The following PHF1 variants were observed in gnomAD, a reference collection of about 807,000 sequenced individuals.
PHF1 encodes the protein PHD finger protein 1.
Under a neutral mutation model 69.4 loss-of-function variants are expected in PHF1, and 16 were observed. The ratio of observed to expected loss-of-function variants is 0.23; its 90% CI spans 0.16 to 0.35. PHF1 has a LOEUF of 0.35. Ranked by LOEUF, PHF1 falls within the 10% of genes least tolerant of loss-of-function variation. The probability of loss-of-function intolerance (pLI) is 1.00; values close to 1 mark genes in which losing one functional copy is unlikely to be tolerated. For missense variants in PHF1, 515 were observed against 732.8 expected, an observed-to-expected ratio of 0.70 and a Z score of 3.43; for synonymous variants, 274 against 275.0, an observed-to-expected ratio of 1.00 and a Z score of 0.04.
At chr6:33,415,193 G>A in intron 12 of PHF1, 42 bp from the exon 13 acceptor site, 1 of 1,613,086 alleles carries the variant, frequency 6.2e-7, no homozygotes, top group Non-Finnish European at 8.5e-7. Flanking sequence ...GGTGTGGGAA[G>A]GAGTCAAGGA....
At chr6:33,411,494 G>C (rs1776059078) in intron 1 of PHF1, among the ~76,000 whole-genome samples, 1 of 152,236 alleles carries the variant, frequency 6.6e-6, no homozygotes, top group Non-Finnish European at 1.5e-5. Context: ...GAGACGCGCA[G>C]GCCTGGGGAG....
Position 33,413,847 on chromosome 6 carries a change from A to G in PHF1, c.683+16A>G. ...ATGGGGACAGGTGAGACCAAGGCAGACTCTCTAGGAGCCAAGGATGCCCTC... is the reference window on the plus strand; with the variant it reads ...ATGGGGACAGGTGAGACCAAGGCAGGCTCTCTAGGAGCCAAGGATGCCCTC... On this transcript the variant is annotated intron_variant, in intron 7 of 14. Coordinates refer to ENST00000374516, the MANE Select transcript of PHF1 (RefSeq NM_024165.3). 1 of 1,606,486 alleles carries G rather than the reference A, an allele frequency of 6.2e-7. No homozygotes were observed. The highest frequency in any genetic ancestry group is 8.5e-7 in the Non-Finnish European group (1 of 1,174,034).
In PHF1 at chr6:33,412,436, C is replaced by G. The variant is rs746555129; in HGVS notation, c.159+14C>G. On this transcript the variant is annotated intron_variant, in intron 2 of 14. Coordinates refer to ENST00000374516, the MANE Select transcript of PHF1 (RefSeq NM_024165.3). This position sits in a 1 kb window ranked among gnomAD's most constrained non-coding sequence, Gnocchi z 4.2. ...ACCATCAAAAAGGTAAGACCTTCTACCTCTGACCTTCTTCCTAGTTCCCTT... is the reference window on the plus strand; with the variant it reads ...ACCATCAAAAAGGTAAGACCTTCTAGCTCTGACCTTCTTCCTAGTTCCCTT... 4 of 1,614,090 alleles carry G rather than the reference C, an allele frequency of 2.5e-6. No homozygotes were observed. The highest frequency in any genetic ancestry group is 3.3e-5 in the Admixed American group (2 of 60,014).
At position 33,415,592 on chromosome 6, in the gene PHF1, G is replaced by A; in HGVS notation, c.1337G>A (p.Ser446Asn). The A allele has an allele frequency of 6.2e-7, 1 of 1,613,892 alleles. No homozygotes were observed. The highest frequency in any genetic ancestry group is 8.5e-7 in the Non-Finnish European group (1 of 1,179,910). The change falls in exon 14 of 15, where the codon AGC becomes AAC. Residue 446 changes from serine (S) to asparagine (N), a missense_variant and splice_region_variant. Physicochemically the swap from Ser to Asn is conservative, Grantham distance 46. Transcript: ENST00000374516. The stretch of plus-strand genomic sequence containing the variant: ...GACTTTCCCCACTCCAACCCCAGCA[G>A]CCCCATCCGGATGTTTGCTTCCTTC... ...RPTDARCLPS[S>N]PIRMFASFHP...
intron 1 of PHF1, 114 bp downstream of exon 1, chr6:33,411,329 T>C (rs1355152649): frequency 6.6e-6 from 1 of 151,838 alleles, no homozygotes; most frequent in African/African-American, 2.4e-5. Context: ...CCGACACAAG[T>C]CCCTTCTCGG....
Position 33,414,675 on chromosome 6 carries a change from G to T in PHF1, c.945-50G>T. 1 of 1,571,786 alleles carries T rather than the reference G, an allele frequency of 6.4e-7. No homozygotes were observed. Among genetic ancestry groups the T allele is most frequent in the Non-Finnish European group, 8.7e-7 (1 of 1,143,362 alleles). On this transcript the variant is annotated intron_variant, in intron 10 of 14. Coordinates refer to ENST00000374516, the MANE Select transcript of PHF1 (RefSeq NM_024165.3). This position sits in a 1 kb window ranked among gnomAD's most constrained non-coding sequence, Gnocchi z 5.0. Reference sequence around the variant, plus strand: ...AAGGATTGAGGAATGGCGTAAGGAGGAACCGTTTTTTACAGCACTGACCCT... The same window carrying T: ...AAGGATTGAGGAATGGCGTAAGGAGTAACCGTTTTTTACAGCACTGACCCT...
upstream of PHF1, chr6:33,410,677 TG>T (rs1390284715): frequency 7.2e-5 from 2 of 27,732 alleles, no homozygotes; most frequent in African/African-American, 3.1e-4. Context: ...GGAGTGACCA[TG>T]GGGGGTGGGG....
At chr6:33,411,328 GTCCC>G (rs1267949399) in intron 1 of PHF1, 113 bp downstream of exon 1, 1 of 152,190 alleles carries the variant, frequency 6.6e-6, no homozygotes, top group African/African-American at 2.4e-5. Context: ...GCCGACACAA[GTCCC>G]TTCTCGGACT....
At position 33,413,790 on chromosome 6, in the gene PHF1, C is replaced by T. The variant is rs1001792307; in HGVS notation, c.642C>T (p.Ala214=). The T allele has an allele frequency of 1.2e-6, 2 of 1,613,908 alleles. No homozygotes were observed. The highest frequency in any genetic ancestry group is 8.5e-7 in the Non-Finnish European group (1 of 1,179,992). ...GCTGCCTGCAGTGGTTCCATGAGGCCTGCACCCAGTGTCTGAGCAAGCCCC... is the reference window on the plus strand; with the variant it reads ...GCTGCCTGCAGTGGTTCCATGAGGCTTGCACCCAGTGTCTGAGCAAGCCCC... The part of the protein sequence containing the change: ...CRSCLQWFHE[A]CTQCLSKPLL... Residue 214 remains alanine, a synonymous_variant, in exon 7 of 15, where the codon GCC becomes GCT. Transcript: ENST00000374516.
chr6:33,415,562 G>A (rs756452139), intron 13 of PHF1, 28 bp from the exon 14 acceptor site: 1 of 1,611,992 alleles, frequency 6.2e-7, no homozygotes, highest in African/African-American at 1.3e-5. Context: ...CCTGCTTCAG[G>A]TCCTGACTTT....
chr6:33,414,164 T>C lies in PHF1; in HGVS notation c.752+55T>C. 6.2e-7 allele frequency: 1 copy of C among 1,613,686 alleles called. No homozygotes were observed. On this transcript the variant is annotated intron_variant, in intron 8 of 14. Coordinates refer to ENST00000374516, the MANE Select transcript of PHF1 (RefSeq NM_024165.3). The surrounding 1 kb of genome is among the most constrained non-coding windows in gnomAD (Gnocchi z 5.0). ...AACTCCACACCACAGTATTTCACTC[T>C]ATATGCCCCAACCTCCCACCTCAGG...
Position 33,413,845 on chromosome 6 carries a change from A to C in PHF1, c.683+14A>C, listed in dbSNP as rs753802434. ...CTATGGGGACAGGTGAGACCAAGGCAGACTCTCTAGGAGCCAAGGATGCCC... is the reference window on the plus strand; with the variant it reads ...CTATGGGGACAGGTGAGACCAAGGCCGACTCTCTAGGAGCCAAGGATGCCC... On this transcript the variant is annotated intron_variant, in intron 7 of 14. Transcript: ENST00000374516. 1 of 1,608,492 alleles carries C rather than the reference A, an allele frequency of 6.2e-7. No individual in the cohort carries two copies. Among genetic ancestry groups the C allele is most frequent in the South Asian group, 1.1e-5 (1 of 90,920 alleles).
chr6:33,415,204 TTA>T, intron 12 of PHF1, 29 bp from the exon 13 acceptor site: 1 of 1,611,570 alleles, frequency 6.2e-7, no homozygotes, highest in South Asian at 1.1e-5. Context: ...GAGTCAAGGA[TTA>T]TCTCTCAGTC....
In PHF1 at chr6:33,416,174, C is replaced by T. The variant is rs1202946304; in HGVS notation, c.*76C>T. 2.2e-5 allele frequency: 29 copies of T among 1,289,088 alleles called. No homozygotes were observed. The Middle Eastern group carries it at 9.8e-4, about 44-fold the overall frequency. 79.9% of individuals were successfully genotyped at this position (1,289,088 alleles called of 1,614,324 possible). Reference sequence around the variant, plus strand: ...CCCTGACCTCTGACCTCACCTACAGCTGGGATGTACCTGGAGAGATAGGGG... The same window carrying T: ...CCCTGACCTCTGACCTCACCTACAGTTGGGATGTACCTGGAGAGATAGGGG... On this transcript the variant is annotated 3_prime_UTR_variant, in exon 15 of 15. Transcript: ENST00000374516.
Position 33,414,840 on chromosome 6 carries a change from CA to C in PHF1, c.1049+12del. On this transcript the variant is annotated intron_variant, in intron 11 of 14. Transcript: ENST00000374516. This position sits in a 1 kb window ranked among gnomAD's most constrained non-coding sequence, Gnocchi z 5.0. ...TGGAGCACTCACCAGGTCACTGGTC[CA>C]GGGGGGATGGGGGAAATTCTCAGGG... The C allele has an allele frequency of 3.1e-6, 5 of 1,598,866 alleles. No homozygotes were observed. Among genetic ancestry groups the C allele is most frequent in the Non-Finnish European group, 4.3e-6 (5 of 1,172,184 alleles).
In PHF1 at chr6:33,413,917, CCA is replaced by C. The variant is rs967061640; in HGVS notation, c.683+87_683+88del. ...CAGTTCTCCCACGCCCTTCTCCACT[CCA>C]GTCTCTTCCCAACCTCTGCAGCGTT... On this transcript the variant is annotated intron_variant, in intron 7 of 14. Coordinates refer to ENST00000374516, the MANE Select transcript of PHF1 (RefSeq NM_024165.3). The C allele has an allele frequency of 7.2e-6, 11 of 1,522,210 alleles. No homozygotes were observed. The African/African-American group carries it at 1.1e-4, about 15-fold the overall frequency. 94.3% of individuals were successfully genotyped at this position (1,522,210 alleles called of 1,614,324 possible). A position where few individuals can be genotyped will look rare whatever the true frequency, so the allele number is the denominator to read the frequency against.
rs1329829619 is a variant in PHF1 at position 33,413,772 on chromosome 6, G to A, written c.624G>A (p.Leu208=). 6.2e-7 allele frequency: 1 copy of A among 1,613,934 alleles called. No homozygotes were observed. The highest frequency in any genetic ancestry group is 1.1e-5 in the South Asian group (1 of 91,076). ...AAATGCTGCAGTGCCGGAGCTGCCT[G>A]CAGTGGTTCCATGAGGCCTGCACCC... is the stretch of plus-strand genomic sequence containing the variant. The part of the protein sequence containing the change: ...NLKMLQCRSC[L]QWFHEACTQC... Residue 208 remains leucine (L), a synonymous_variant, in exon 7 of 15, where the codon CTG becomes CTA. Coordinates refer to ENST00000374516, the MANE Select transcript of PHF1 (RefSeq NM_024165.3).
In PHF1 at chr6:33,415,223, C is replaced by T. The variant is rs374732683; in HGVS notation, c.1240-12C>T. 554 of 1,613,026 alleles carry T rather than the reference C, an allele frequency of 3.4e-4. No homozygotes were observed. Among genetic ancestry groups the T allele is most frequent in the Non-Finnish European group, 4.6e-4 (538 of 1,179,234 alleles). ...CAAGGATTATCTCTCAGTCCTTTGC[C>T]CCCTCTTCTAGGCCTCAGTGTCTCC... On this transcript the variant is annotated splice_polypyrimidine_tract_variant and intron_variant, in intron 12 of 14. Transcript: ENST00000374516.
chr6:33,416,176 G>A lies in PHF1; in HGVS notation c.*78G>A. 2 of 1,278,260 alleles carry A rather than the reference G, an allele frequency of 1.6e-6. No individual in the cohort carries two copies. Among genetic ancestry groups the A allele is most frequent in the Non-Finnish European group, 2.1e-6 (2 of 940,598 alleles). The allele number at this position is 1,278,260 out of a possible 1,614,324, so 79.2% of individuals were successfully genotyped here. On this transcript the variant is annotated 3_prime_UTR_variant, in exon 15 of 15. Transcript: ENST00000374516. Reference sequence around the variant, plus strand: ...CTGACCTCTGACCTCACCTACAGCTGGGATGTACCTGGAGAGATAGGGGGT... The same window carrying A: ...CTGACCTCTGACCTCACCTACAGCTAGGATGTACCTGGAGAGATAGGGGGT...
Sources: allele counts gnomAD v4.1 joint callset (sites outside exome capture counted in the v4.1 genomes callset), GRCh38; gene constraint gnomAD v4.1.1; non-coding constraint Gnocchi (gnomAD v3.1); transcripts MANE v1.5; gene names NCBI Gene and HGNC (gene_info 2026-07-23, HGNC 2026-07-21).